TBC1D5: variants seen among roughly 807,000 people sequenced by gnomAD.
TBC1D5 encodes TBC1 domain family, member 5.
TBC1D5 carries 75 observed loss-of-function variants against 100.3 expected under a neutral mutation model. That is an observed-to-expected ratio of 0.75 (90% CI 0.62 to 0.91). The LOEUF is 0.91. Ranked by LOEUF, TBC1D5 falls within the 40% of genes least tolerant of loss-of-function variation. The pLI, the probability that TBC1D5 is intolerant of heterozygous loss-of-function variation, is 0.00. For missense variants in TBC1D5, 910 were observed against 942.4 expected, an observed-to-expected ratio of 0.97 and a Z score of 0.45; for synonymous variants, 323 against 325.6, an observed-to-expected ratio of 0.99 and a Z score of 0.09.
At chr3:17,429,217 T>C (rs972135148) in intron 3 of TBC1D5, among the ~76,000 whole-genome samples, 3 of 151,954 alleles carry the variant, frequency 2.0e-5, no homozygotes, top group Non-Finnish European at 4.4e-5. Context: ...GAACAAATTA[T>C]ACATATCAAT....
intron 2 of TBC1D5, among the ~76,000 whole-genome samples, chr3:17,568,216 T>C (rs1048983684): frequency 6.6e-6 from 1 of 151,484 alleles, no homozygotes; most frequent in Admixed American, 6.6e-5. Context: ...TATATATATA[T>C]TTTCACTACC....
intron 3 of TBC1D5, among the ~76,000 whole-genome samples, chr3:17,482,379 C>A (rs1245040745): frequency 1.3e-5 from 2 of 152,052 alleles, no homozygotes. Flanking sequence ...ATTAAAATAA[C>A]CCTGCAATAC....
chr3:17,479,887 T>C (rs2095481422), intron 3 of TBC1D5, among the ~76,000 whole-genome samples: 1 of 151,984 alleles, frequency 6.6e-6, no homozygotes. Flanking sequence ...CCTCTTCCTA[T>C]CAAGTAGGCA....
intron 2 of TBC1D5, among the ~76,000 whole-genome samples, chr3:17,542,149 G>C (rs1357299524): frequency 6.6e-6 from 1 of 151,924 alleles, no homozygotes; most frequent in Non-Finnish European, 1.5e-5. Context: ...AATTAGCCTG[G>C]CATAGTGGCA....
At chr3:17,725,920 T>C (rs1296650305) in intron 1 of TBC1D5, among the ~76,000 whole-genome samples, 2 of 152,286 alleles carry the variant, frequency 1.3e-5, no homozygotes, top group South Asian at 2.1e-4. Flanking sequence ...TTTGTGTCCA[T>C]GTGTACTCAA....
At chr3:17,193,721 C>T (rs936267176) in intron 18 of TBC1D5, among the ~76,000 whole-genome samples, 4 of 152,184 alleles carry the variant, frequency 2.6e-5, no homozygotes, top group Admixed American at 6.5e-5. Context: ...ATAGCGCTAA[C>T]CACAGACTCT....
At chr3:17,542,408 G>A (rs2096367584) in intron 2 of TBC1D5, among the ~76,000 whole-genome samples, 1 of 152,202 alleles carries the variant, frequency 6.6e-6, no homozygotes, top group Admixed American at 6.5e-5. Context: ...TATAGAGCCA[G>A]GGTCTGGCTA....
intron 2 of TBC1D5, among the ~76,000 whole-genome samples, chr3:17,534,174 A>T (rs1282264228): frequency 6.6e-6 from 1 of 152,188 alleles, no homozygotes; most frequent in Non-Finnish European, 1.5e-5. Context: ...ACAGAATAAC[A>T]TCACTTTCAT....
intron 2 of TBC1D5, among the ~76,000 whole-genome samples, chr3:17,510,830 C>T (rs1387587235): frequency 6.6e-6 from 1 of 151,970 alleles, no homozygotes; most frequent in East Asian, 1.9e-4. Flanking sequence ...TAAAACCCAA[C>T]TGATTTATCT....
At chr3:17,268,085 T>C (rs1200328459) in intron 15 of TBC1D5, among the ~76,000 whole-genome samples, 1 of 152,024 alleles carries the variant, frequency 6.6e-6, no homozygotes, top group Admixed American at 6.6e-5. Context: ...GTATGTCAAG[T>C]TAGACCACAG....
At chr3:17,686,873 G>A (rs955617757) in intron 1 of TBC1D5, among the ~76,000 whole-genome samples, 2 of 152,082 alleles carry the variant, frequency 1.3e-5, no homozygotes, top group Non-Finnish European at 2.9e-5. Context: ...CAATGCACAG[G>A]ATGGCTCCTA....
intron 3 of TBC1D5, among the ~76,000 whole-genome samples, chr3:17,445,445 ATAAGCC>A (rs1171215346): frequency 6.6e-6 from 1 of 152,110 alleles, no homozygotes; most frequent in Non-Finnish European, 1.5e-5. Flanking sequence ...TATATAATAT[ATAAGCC>A]TCAATATTTT....
intron 1 of TBC1D5, among the ~76,000 whole-genome samples, chr3:17,637,426 A>G (rs2064065914): frequency 6.6e-6 from 1 of 151,728 alleles, no homozygotes; most frequent in Admixed American, 6.6e-5. Context: ...AGTAACAAAT[A>G]TGACTATGCA....
chr3:17,361,014 A>G (rs772268855), intron 13 of TBC1D5, among the ~76,000 whole-genome samples: 1 of 152,036 alleles, frequency 6.6e-6, no homozygotes, highest in Non-Finnish European at 1.5e-5. Flanking sequence ...TCTATGTTTA[A>G]AATTACATTT....
At chr3:17,675,735 G>C (rs910278920) in intron 1 of TBC1D5, among the ~76,000 whole-genome samples, 2 of 151,956 alleles carry the variant, frequency 1.3e-5, no homozygotes, top group Non-Finnish European at 2.9e-5. Flanking sequence ...CATCAAGAGA[G>C]TGACAAAGAT....
At chr3:17,443,747 C>A (rs1163008977) in intron 3 of TBC1D5, among the ~76,000 whole-genome samples, 1 of 152,038 alleles carries the variant, frequency 6.6e-6, no homozygotes, top group Non-Finnish European at 1.5e-5. Flanking sequence ...AATCTTAGAA[C>A]TGTAAAGAAC....
chr3:17,670,028 G>T (rs2067754651), intron 1 of TBC1D5, among the ~76,000 whole-genome samples: 1 of 152,180 alleles, frequency 6.6e-6, no homozygotes, highest in South Asian at 2.1e-4. Context: ...TGGGATTACA[G>T]GCGCACGCCG....
intron 14 of TBC1D5, among the ~76,000 whole-genome samples, chr3:17,303,351 T>C (rs2083053072): frequency 6.6e-6 from 1 of 152,244 alleles, no homozygotes; most frequent in Non-Finnish European, 1.5e-5. Context: ...ATGTACCATA[T>C]ACTGGTAAAC....
chr3:17,442,860 GGAGAA>G (rs1022450629), intron 3 of TBC1D5, among the ~76,000 whole-genome samples: 1 of 151,938 alleles, frequency 6.6e-6, no homozygotes, highest in African/African-American at 2.4e-5. Flanking sequence ...GGGAAGGAAG[GGAGAA>G]GAGAAGGGGA....
Sources: gnomAD v4.1 joint callset for allele counts (sites outside exome capture counted in the v4.1 genomes callset) on GRCh38, gnomAD v4.1.1 for gene constraint, MANE v1.5 for transcripts, NCBI Gene and HGNC (gene_info 2026-07-23, HGNC 2026-07-21) for gene names.